The following GCNT4 variants were observed in gnomAD, a reference collection of about 807,000 sequenced individuals.
GCNT4 encodes glucosaminyl (N-acetyl) transferase 4, also known as beta-1,3-galactosyl-O-glycosyl-glycoprotein beta-1,6-N-acetylglucosaminyltransferase 4.
In GCNT4, 17 loss-of-function variants were observed where a neutral mutation model predicts 31.3. The ratio of observed to expected loss-of-function variants is 0.54; its 90% confidence interval spans 0.37 to 0.81. The LOEUF is 0.81. Ranked by LOEUF, GCNT4 falls within the 40% of genes least tolerant of loss-of-function variation. The probability of loss-of-function intolerance (pLI) is 0.00; values close to 1 mark genes in which losing one functional copy is unlikely to be tolerated. For missense variants in GCNT4, 503 were observed against 525.5 expected, an observed-to-expected ratio of 0.96 and a Z score of 0.42; for synonymous variants, 158 against 190.6, an observed-to-expected ratio of 0.83 and a Z score of 1.41.
chr5:75,053,592 T>C (rs932139389), upstream of GCNT4, among the ~76,000 whole-genome samples: 1 of 152,024 alleles, frequency 6.6e-6, no homozygotes, highest in African/African-American at 2.4e-5. Flanking sequence ...AGGGTTGCGC[T>C]CTGGGTTCCC....
At position 75,052,244 on chromosome 5, in the gene GCNT4, C is replaced by CAAAAA. The variant is rs200517667; in HGVS notation, c.-201-22_-201-18dup. 12 of 95,132 alleles carry CAAAAA rather than the reference C, an allele frequency of 1.3e-4. No individual in the cohort carries two copies. The highest frequency in any genetic ancestry group is 2.8e-4 in the East Asian group (1 of 3,544). The allele number at this position is 95,132 out of a possible 1,614,324, so 5.9% of individuals were successfully genotyped here. A position where few individuals can be genotyped will look rare whatever the true frequency, so the allele number is the denominator to read the frequency against. On this transcript the variant is annotated splice_polypyrimidine_tract_variant and intron_variant, in intron 1 of 3. Transcript: ENST00000652361. ...TTTGTTGTTCTTCCATTTTTAAAGA[C>CAAAAA]AAAAAAAAAAAAAAAAAGAAAAAGA... is the stretch of plus-strand genomic sequence containing the variant.
chr5:75,021,799 T>G (rs142304176), downstream of GCNT4, among the ~76,000 whole-genome samples: 9 of 152,284 alleles, frequency 5.9e-5, no homozygotes, highest in East Asian at 1.2e-3. Context: ...ATTCCTCTAT[T>G]TGGTTTTTCA....
In GCNT4 at chr5:75,036,380, C is replaced by G. The variant is rs185680154; in HGVS notation, c.-1-6342G>C. On this transcript the variant is annotated intron_variant, in intron 3 of 3. Coordinates refer to ENST00000652361, the MANE Select transcript of GCNT4 (RefSeq NM_001366737.1). ...GAAAGGAAACTGAGGCACTGTAAGA[C>G]AACTAAATAAATGCCCAAGGTTACA... Among the ~76,000 whole-genome samples the G allele has an allele frequency of 2.1e-3, 326 of 152,290 alleles. 1 individual carries two copies. Among genetic ancestry groups the G allele is most frequent in the African/African-American group, 7.6e-3 (314 of 41,586 alleles).
intron 3 of GCNT4, among the ~76,000 whole-genome samples, chr5:75,040,986 A>G (rs1743303316): frequency 6.6e-6 from 1 of 152,222 alleles, no homozygotes; most frequent in African/African-American, 2.4e-5. Flanking sequence ...AAGATTAATA[A>G]CCAAAAAAGT....
At chr5:75,047,405 G>C (rs1470564625) in intron 3 of GCNT4, among the ~76,000 whole-genome samples, 1 of 152,178 alleles carries the variant, frequency 6.6e-6, no homozygotes, top group Non-Finnish European at 1.5e-5. Context: ...CATCAAAAGA[G>C]GTTTGGAAGC....
At chr5:75,038,679 C>A (rs1743252593) in intron 3 of GCNT4, among the ~76,000 whole-genome samples, 1 of 152,120 alleles carries the variant, frequency 6.6e-6, no homozygotes, top group Non-Finnish European at 1.5e-5. Context: ...AATGAGCTCC[C>A]CCAAAACATC....
intron 3 of GCNT4, among the ~76,000 whole-genome samples, chr5:75,040,238 G>A (rs1249118612): frequency 1.3e-5 from 2 of 151,256 alleles, no homozygotes; most frequent in Non-Finnish European, 2.9e-5. Flanking sequence ...GAGTGCAGTG[G>A]CGCCAACTCA....
At chr5:75,036,873 T>G (rs1743211725) in intron 3 of GCNT4, among the ~76,000 whole-genome samples, 1 of 152,378 alleles carries the variant, frequency 6.6e-6, no homozygotes, top group South Asian at 2.1e-4. Flanking sequence ...TTTGTTCTTA[T>G]AGTTATCTGT....
upstream of GCNT4, among the ~76,000 whole-genome samples, chr5:75,053,221 G>A (rs989991431): frequency 2.0e-3 from 303 of 151,734 alleles, no homozygotes; most frequent in Non-Finnish European, 3.5e-3. Context: ...GCGCGCGCCG[G>A]GTCGCCCACC....
At chr5:75,030,061 T>G in intron 3 of GCNT4, 23 bp from the exon 4 acceptor site, 1 of 1,559,680 alleles carries the variant, frequency 6.4e-7, no homozygotes, top group East Asian at 2.2e-5. Context: ...AAAGAAATAA[T>G]CCAGTTGGAA....
the GCNT4 span, chr5:75,017,553 T>C: frequency 6.6e-6 from 1 of 152,200 alleles, no homozygotes; most frequent in Non-Finnish European, 1.5e-5. Context: ...CTAAGAAAAG[T>C]ATTGGTTTTC....
chr5:75,039,936 T>C (rs893706109), intron 3 of GCNT4, among the ~76,000 whole-genome samples: 3 of 152,244 alleles, frequency 2.0e-5, no homozygotes, highest in Non-Finnish European at 4.4e-5. Flanking sequence ...ATCCTTTTCA[T>C]GTCCATAAAG....
At chr5:75,022,676 T>C (rs1305817701), downstream of GCNT4, among the ~76,000 whole-genome samples, 2 of 152,192 alleles carry the variant, frequency 1.3e-5, no homozygotes. Flanking sequence ...ACAAACATTG[T>C]GTAAGTTAGG....
chr5:75,037,777 C>G (rs1743230580), intron 3 of GCNT4, among the ~76,000 whole-genome samples: 1 of 151,862 alleles, frequency 6.6e-6, no homozygotes, highest in Non-Finnish European at 1.5e-5. Flanking sequence ...ACTTGGGAGG[C>G]CGAGGCAGGA....
At chr5:75,023,058 G>A (rs1561370699), downstream of GCNT4, among the ~76,000 whole-genome samples, 1 of 152,134 alleles carries the variant, frequency 6.6e-6, no homozygotes, top group East Asian at 1.9e-4. Context: ...TTGTTGCTCA[G>A]AATATAACCA....
At position 75,029,812 on chromosome 5, in the gene GCNT4, T is replaced by C; in HGVS notation, c.226A>G (p.Ile76Val). The C allele has an allele frequency of 1.2e-6, 2 of 1,614,154 alleles. No individual in the cohort carries two copies. Among genetic ancestry groups the C allele is most frequent in the South Asian group, 1.1e-5 (1 of 91,078 alleles). ...ATTTCCAAAGGCTCCTGTTCATAGATACCCGAACAGTTAACTTCATACCTG... is the reference window on the plus strand; with the variant it reads ...ATTTCCAAAGGCTCCTGTTCATAGACACCCGAACAGTTAACTTCATACCTG... ...EVRYEVNCSG[I>V]YEQEPLEIGK... The change falls in exon 4 of 4, where the codon ATC becomes GTC. Residue 76 changes from isoleucine to valine, a missense_variant. Physicochemically the swap from Ile to Val is conservative, Grantham distance 29. Coordinates refer to ENST00000652361, the MANE Select transcript of GCNT4 (RefSeq NM_001366737.1).
Position 75,029,158 on chromosome 5 carries a change from G to A in GCNT4, c.880C>T (p.His294Tyr), listed in dbSNP as rs768055027. The A allele has an allele frequency of 5.3e-5, 86 of 1,613,284 alleles. No individual in the cohort carries two copies. Among genetic ancestry groups the A allele is most frequent in the Non-Finnish European group, 7.0e-5 (83 of 1,179,818 alleles). The change falls in exon 4 of 4, where the codon CAT becomes TAT. Residue 294 changes from histidine (H) to tyrosine (Y), a missense_variant. By Grantham distance (83) the His-to-Tyr change is moderately conservative. Transcript: ENST00000652361. Reference sequence around the variant, plus strand: ...CTGCCAACAAATATCTGAATGTTATGGGGGGGTGCTTCCTTGGAGATGTTT... The same window carrying A: ...CTGCCAACAAATATCTGAATGTTATAGGGGGGTGCTTCCTTGGAGATGTTT... ...RTNISKEAPP[H>Y]NIQIFVGSAY...
chr5:75,037,546 G>A (rs1197518741), intron 3 of GCNT4, among the ~76,000 whole-genome samples: 1 of 152,162 alleles, frequency 6.6e-6, no homozygotes, highest in Non-Finnish European at 1.5e-5. Flanking sequence ...AAAAGGAAAA[G>A]ATTTTCTATT....
intron 3 of GCNT4, among the ~76,000 whole-genome samples, chr5:75,033,177 A>G (rs1224379679): frequency 1.3e-5 from 2 of 152,352 alleles, no homozygotes; most frequent in African/African-American, 4.8e-5. Context: ...TAAATAAAAA[A>G]GACAAAGGCC....
Sources: gnomAD v4.1 joint callset for allele counts (sites outside exome capture counted in the v4.1 genomes callset) on GRCh38, gnomAD v4.1.1 for gene constraint, MANE v1.5 for transcripts, NCBI Gene and HGNC (gene_info 2026-07-23, HGNC 2026-07-21) for gene names.